The following DNAJC12 variants were observed in gnomAD, a reference collection of about 807,000 sequenced individuals.
DNAJC12 encodes DnaJ heat shock protein family (Hsp40) member C12.
DNAJC12 carries 25 observed loss-of-function variants against 28.5 expected under a neutral mutation model. That is an observed-to-expected ratio of 0.88 (90% CI 0.64 to 1.22). The LOEUF (loss-of-function observed/expected upper bound fraction) is 1.22. Among genes scored for constraint, DNAJC12 ranks in the 50% most tolerant of loss-of-function variants. The probability of loss-of-function intolerance (pLI) is 0.00; values close to 1 mark genes in which losing one functional copy is unlikely to be tolerated. For missense variants in DNAJC12, 222 were observed against 231.7 expected, an observed-to-expected ratio of 0.96 and a Z score of 0.27; for synonymous variants, 77 against 80.6, an observed-to-expected ratio of 0.95 and a Z score of 0.24.
chr10:67,807,940 T>C (rs1841819450), intron 3 of DNAJC12, among the ~76,000 whole-genome samples: 1 of 152,204 alleles, frequency 6.6e-6, no homozygotes, highest in Non-Finnish European at 1.5e-5. Flanking sequence ...TAAAGAAATA[T>C]ACAGAAGAAA....
At chr10:67,809,945 A>G (rs925254183) in intron 3 of DNAJC12, among the ~76,000 whole-genome samples, 1 of 152,176 alleles carries the variant, frequency 6.6e-6, no homozygotes, top group African/African-American at 2.4e-5. Flanking sequence ...TCACCACCAT[A>G]CAATTCATCC....
chr10:67,802,489 T>G (rs1024993280), intron 4 of DNAJC12, among the ~76,000 whole-genome samples: 1 of 152,216 alleles, frequency 6.6e-6, no homozygotes. Context: ...TTTTCTTTCA[T>G]AACAATATGT....
At chr10:67,800,076 A>T (rs904637156) in intron 4 of DNAJC12, among the ~76,000 whole-genome samples, 1 of 151,462 alleles carries the variant, frequency 6.6e-6, no homozygotes, top group African/African-American at 2.4e-5. Context: ...ATAAAAAATT[A>T]GCCGGATGTG....
At chr10:67,836,491 T>C (rs1842143937) in intron 1 of DNAJC12, among the ~76,000 whole-genome samples, 1 of 152,190 alleles carries the variant, frequency 6.6e-6, no homozygotes, top group Non-Finnish European at 1.5e-5. Context: ...TTAAATTATA[T>C]TCCTTTGATT....
intron 2 of DNAJC12, among the ~76,000 whole-genome samples, chr10:67,822,163 G>A (rs1841987375): frequency 6.6e-6 from 1 of 152,112 alleles, no homozygotes; most frequent in African/African-American, 2.4e-5. Context: ...ATGGGGAGTG[G>A]GCTCAGAAGA....
At chr10:67,815,086 A>G (rs1841899861) in intron 2 of DNAJC12, among the ~76,000 whole-genome samples, 1 of 152,248 alleles carries the variant, frequency 6.6e-6, no homozygotes, top group Admixed American at 6.5e-5. Flanking sequence ...AAAAGTGAAA[A>G]TAACACAAAT....
At chr10:67,819,860 G>T (rs1284739515) in intron 2 of DNAJC12, among the ~76,000 whole-genome samples, 1 of 151,484 alleles carries the variant, frequency 6.6e-6, no homozygotes, top group Non-Finnish European at 1.5e-5. Context: ...TGCAGAATAG[G>T]TGTCCTCTTC....
rs1471663919 is a variant in DNAJC12, at chr10:67,805,797, T to A, written c.298-10A>T. The A allele has an allele frequency of 6.5e-7, 1 of 1,547,058 alleles. No individual in the cohort carries two copies. Among genetic ancestry groups the A allele is most frequent in the Non-Finnish European group, 8.7e-7 (1 of 1,154,210 alleles). ...CAACCCAGTGCATTGACTAAATTAA[T>A]GTAAAGCAGAGATATAAAAATTAAA... On this transcript the variant is annotated splice_polypyrimidine_tract_variant and intron_variant, in intron 3 of 4. Coordinates refer to ENST00000225171, the MANE Select transcript of DNAJC12 (RefSeq NM_021800.3).
In DNAJC12 at chr10:67,813,823, C is replaced by T. The variant is rs561311996; in HGVS notation, c.158-2160G>A. Among the ~76,000 whole-genome samples, 45 of 150,200 alleles carry T rather than the reference C, an allele frequency of 3.0e-4. 1 individual carries two copies. The South Asian group carries it at 9.1e-3, about 30-fold the overall frequency. ...TTAAAAAATTGAACAAAAGAAGGAA[C>T]TACACAATATTGTCAAAAGAAGCTA... is the stretch of plus-strand genomic sequence containing the variant. On this transcript the variant is annotated intron_variant, in intron 2 of 4. Coordinates refer to ENST00000225171, the MANE Select transcript of DNAJC12 (RefSeq NM_021800.3).
intron 1 of DNAJC12, chr10:67,833,891 T>A: frequency 2.1e-6 from 1 of 481,736 alleles, no homozygotes. Flanking sequence ...TATCAAAATC[T>A]GCCTTCAGTG....
rs976104439 is a variant in DNAJC12, at chr10:67,800,941, T to TA, written c.503-3732dup. Among the ~76,000 whole-genome samples, 80 of 142,016 alleles carry TA rather than the reference T, an allele frequency of 5.6e-4. 1 individual carries two copies. The highest frequency in any genetic ancestry group is 8.2e-4 in the East Asian group (4 of 4,884). The allele number at this position is 142,016 out of a possible 152,430, so 93.2% of individuals were successfully genotyped here. ...CTGGGCAACAAAGCAAGATTCTGTC[T>TA]AAAAAAAAAAAAAATTTCTTTCTCT... is the stretch of plus-strand genomic sequence containing the variant. On this transcript the variant is annotated intron_variant, in intron 4 of 4. Transcript: ENST00000225171.
At chr10:67,814,256 G>GA (rs1007585904) in intron 2 of DNAJC12, among the ~76,000 whole-genome samples, 1 of 151,536 alleles carries the variant, frequency 6.6e-6, no homozygotes, top group Non-Finnish European at 1.5e-5. Flanking sequence ...ATTTAATGAA[G>GA]AAAAAAAATA....
Position 67,798,041 on chromosome 10 carries a change from G to GAAAAA in DNAJC12, c.503-836_503-832dup, listed in dbSNP as rs1186393477. On this transcript the variant is annotated intron_variant, in intron 4 of 4. Coordinates refer to ENST00000225171, the MANE Select transcript of DNAJC12 (RefSeq NM_021800.3). ...GGCGACAGAGCGAGATTCTGTCTCAGAAAAAAAAAAAAAAAAAGTATAAAC... is the reference window on the plus strand; with the variant it reads ...GGCGACAGAGCGAGATTCTGTCTCAGAAAAAAAAAAAAAAAAAAAAAAGTATAAAC... Among the ~76,000 whole-genome samples, 25 of 101,404 alleles carry GAAAAA rather than the reference G, an allele frequency of 2.5e-4. 1 individual carries two copies. Among genetic ancestry groups the GAAAAA allele is most frequent in the Admixed American group, 7.5e-4 (7 of 9,340 alleles). 66.5% of individuals were successfully genotyped at this position (101,404 alleles called of 152,430 possible).
chr10:67,826,788 A>G lies in DNAJC12; in HGVS notation c.79-3396T>C, dbSNP rs536125987. Among the ~76,000 whole-genome samples the G allele has an allele frequency of 2.1e-3, 255 of 120,636 alleles. 8 individuals are homozygous for G. Among genetic ancestry groups the G allele is most frequent in the African/African-American group, 7.6e-3 (246 of 32,424 alleles). The allele number at this position is 120,636 out of a possible 152,430, so 79.1% of individuals were successfully genotyped here. On this transcript the variant is annotated intron_variant, in intron 1 of 4. Coordinates refer to ENST00000225171, the MANE Select transcript of DNAJC12 (RefSeq NM_021800.3). ...TATCTAATGATATATAATATATATC[A>G]TTAGATATCAGATATATAATGATAT...
At chr10:67,831,425 G>T (rs182949883) in intron 1 of DNAJC12, among the ~76,000 whole-genome samples, 1 of 151,996 alleles carries the variant, frequency 6.6e-6, no homozygotes, top group African/African-American at 2.4e-5. Flanking sequence ...TCCATATTCT[G>T]CTAGCAAAAT....
rs577511924 is a variant in DNAJC12, at chr10:67,801,836, C to CTTTTTTTTTTTTTTTT, written c.502+3731_502+3746dup. Among the ~76,000 whole-genome samples, 21 of 26,134 alleles carry CTTTTTTTTTTTTTTTT rather than the reference C, an allele frequency of 8.0e-4. 2 individuals carry two copies. The highest frequency in any genetic ancestry group is 2.2e-3 in the African/African-American group (17 of 7,590). 17.1% of individuals were successfully genotyped at this position (26,134 alleles called of 152,430 possible). ...TGATTCCCATCCCCTCCACTTCATTCTTTTTTTTTTTTTTTTTTTTTTTTT... is the reference window on the plus strand; with the variant it reads ...TGATTCCCATCCCCTCCACTTCATTCTTTTTTTTTTTTTTTTTTTTTTTTTTTTTTTTTTTTTTTTT... On this transcript the variant is annotated intron_variant, in intron 4 of 4. Coordinates refer to ENST00000225171, the MANE Select transcript of DNAJC12 (RefSeq NM_021800.3).
chr10:67,800,487 C>T (rs993746066), intron 4 of DNAJC12, among the ~76,000 whole-genome samples: 1 of 152,212 alleles, frequency 6.6e-6, no homozygotes, highest in African/African-American at 2.4e-5. Flanking sequence ...AGGGCATTTA[C>T]TCCCTGACAC....
chr10:67,803,385 C>T (rs1222486372), intron 4 of DNAJC12, among the ~76,000 whole-genome samples: 2 of 152,142 alleles, frequency 1.3e-5, no homozygotes, highest in Non-Finnish European at 2.9e-5. Context: ...CCTGTGTTAG[C>T]ATAGAGAATA....
chr10:67,801,836 C>CTTTTT (rs577511924), intron 4 of DNAJC12, among the ~76,000 whole-genome samples: 606 of 26,184 alleles, frequency 0.023, 174 homozygotes, highest in East Asian at 0.048. Flanking sequence ...CCACTTCATT[C>CTTTTT]TTTTTTTTTT....
Sources: gnomAD v4.1 joint callset for allele counts (sites outside exome capture counted in the v4.1 genomes callset) on GRCh38, gnomAD v4.1.1 for gene constraint, MANE v1.5 for transcripts, NCBI Gene and HGNC (gene_info 2026-07-23, HGNC 2026-07-21) for gene names.